Variants in DRICH1 observed in about 807,000 individuals in gnomAD.
The protein encoded by DRICH1 is aspartate rich 1.
A neutral mutation model predicts 39.5 loss-of-function variants in DRICH1; 38 were observed. The ratio of observed to expected loss-of-function variants is 0.96; its 90% CI spans 0.74 to 1.26. DRICH1 has a LOEUF of 1.26. DRICH1 is among the 50% of genes most tolerant of loss of function. The probability of loss-of-function intolerance (pLI) is 0.00; values close to 1 mark genes in which losing one functional copy is unlikely to be tolerated. For missense variants in DRICH1, 279 were observed against 270.4 expected, an observed-to-expected ratio of 1.03 and a Z score of -0.22; for synonymous variants, 84 against 99.5, an observed-to-expected ratio of 0.84 and a Z score of 0.93.
At chr22:23,619,813 CAG>C (rs1927610067) in intron 5 of DRICH1, among the ~76,000 whole-genome samples, 1 of 152,148 alleles carries the variant, frequency 6.6e-6, no homozygotes, top group African/African-American at 2.4e-5. Context: ...CCTCCACACT[CAG>C]GGAGATGTCT....
At chr22:23,613,360 A>ACTCTCTCTAATGACTTATTC in intron 10 of DRICH1, 30 bp from the exon 11 acceptor site, 1 of 1,591,188 alleles carries the variant, frequency 6.3e-7, no homozygotes, top group Non-Finnish European at 8.6e-7. Context: ...AGAATAAGTC[A>ACTCTCTCTAATGACTTATTC]TTAGAGAGAG....
intron 8 of DRICH1, among the ~76,000 whole-genome samples, chr22:23,616,061 A>C (rs570046796): frequency 1.3e-5 from 2 of 152,232 alleles, no homozygotes; most frequent in Non-Finnish European, 2.9e-5. Context: ...TCTGTCCTCC[A>C]TGCCCAGGAA....
the DRICH1 span, among the ~76,000 whole-genome samples, chr22:23,600,587 G>A: frequency 6.8e-6 from 1 of 147,668 alleles, no homozygotes; most frequent in Admixed American, 6.8e-5. Flanking sequence ...CAGCTGGGCT[G>A]GTGGAGGCTT....
intron 8 of DRICH1, 48 bp from the exon 9 acceptor site, chr22:23,614,262 T>G: frequency 1.5e-6 from 2 of 1,375,514 alleles, no homozygotes; most frequent in South Asian, 2.3e-5. Flanking sequence ...TTGGTGACTC[T>G]GAGTCACTCG....
intron 1 of DRICH1, among the ~76,000 whole-genome samples, chr22:23,627,636 C>A (rs1490322498): frequency 1.3e-5 from 2 of 152,178 alleles, no homozygotes; most frequent in African/African-American, 4.8e-5. Context: ...CAGAGGGATT[C>A]CAGCAGGGGG....
downstream of DRICH1, among the ~76,000 whole-genome samples, chr22:23,607,911 G>A (rs923577458): frequency 2.0e-5 from 3 of 152,234 alleles, no homozygotes; most frequent in Non-Finnish European, 4.4e-5. Context: ...GGTCACAGCA[G>A]GGGAGCTTTG....
chr22:23,586,177 A>G, the DRICH1 span, among the ~76,000 whole-genome samples: 1 of 152,334 alleles, frequency 6.6e-6, no homozygotes, highest in South Asian at 2.1e-4. Context: ...TTGAGACCAC[A>G]TTATTAGATG....
chr22:23,620,150 A>T (rs1927632990), intron 5 of DRICH1, among the ~76,000 whole-genome samples: 1 of 152,132 alleles, frequency 6.6e-6, no homozygotes, highest in Non-Finnish European at 1.5e-5. Context: ...TCTGAAAAGA[A>T]CTCGGCTTAT....
Position 23,619,399 on chromosome 22 carries a change from G to A in DRICH1, c.407-6C>T, listed in dbSNP as rs1338828872. On this transcript the variant is annotated splice_region_variant and splice_polypyrimidine_tract_variant and intron_variant, in intron 5 of 11. Coordinates refer to ENST00000317749, the MANE Select transcript of DRICH1 (RefSeq NM_016449.4). ...ATCAAACCGGTAACAGCCACCTGCG[G>A]AGAAATGGAAAAGTTAATCTAAGAC... is the stretch of plus-strand genomic sequence containing the variant. 1.3e-6 allele frequency: 1 copy of A among 780,458 alleles called. No homozygotes were observed. The highest frequency in any genetic ancestry group is 2.4e-6 in the Non-Finnish European group (1 of 417,758). The allele number at this position is 780,458 out of a possible 1,614,324, so 48.3% of individuals were successfully genotyped here.
At chr22:23,623,866 G>A (rs1221056838) in intron 3 of DRICH1, 12 of 822,736 alleles carry the variant, frequency 1.5e-5, no homozygotes, top group South Asian at 5.5e-5. Flanking sequence ...GATCTTCAAT[G>A]AAGGTACCAA....
At chr22:23,606,908 G>A (rs988972926), downstream of DRICH1, 4 of 152,444 alleles carry the variant, frequency 2.6e-5, no homozygotes, top group Admixed American at 2.6e-4. Context: ...GCTTCGTGGG[G>A]TGATGGGGAA....
At chr22:23,580,932 C>T in the DRICH1 span, 2 of 152,362 alleles carry the variant, frequency 1.3e-5, no homozygotes, top group African/African-American at 4.8e-5. Flanking sequence ...ACTGACCTCA[C>T]ATCACACAGA....
chr22:23,613,428 C>T lies in DRICH1; in HGVS notation c.644-98G>A, dbSNP rs139287529. The T allele has an allele frequency of 1.1e-3, 1,184 of 1,043,462 alleles. 13 individuals are homozygous for T. In the African/African-American group the frequency reaches 0.016, roughly 14 times the overall value. The allele number at this position is 1,043,462 out of a possible 1,614,324, so 64.6% of individuals were successfully genotyped here. A position where few individuals can be genotyped will look rare whatever the true frequency, so the allele number is the denominator to read the frequency against. On this transcript the variant is annotated intron_variant, in intron 10 of 11. Transcript: ENST00000317749. ...TGAAGCTGAGTGATGAGCTAGTCTC[C>T]CACTCCATGCTGCTTCATACATGAT...
chr22:23,623,432 GAAA>G (rs1927887364), intron 3 of DRICH1, among the ~76,000 whole-genome samples: 1 of 151,954 alleles, frequency 6.6e-6, no homozygotes, highest in Non-Finnish European at 1.5e-5. Context: ...GAAAAAAATA[GAAA>G]TCACAAATTT....
At chr22:23,619,451 T>C (rs1365484613) in intron 5 of DRICH1, 58 bp from the exon 6 acceptor site, 6 of 772,842 alleles carry the variant, frequency 7.8e-6, no homozygotes, top group Non-Finnish European at 1.4e-5. Flanking sequence ...GTGCCTCAAA[T>C]AACCATGGTA....
At chr22:23,628,203 C>T (rs1304751368) in intron 1 of DRICH1, among the ~76,000 whole-genome samples, 1 of 152,174 alleles carries the variant, frequency 6.6e-6, no homozygotes, top group Non-Finnish European at 1.5e-5. Context: ...AACTTGTGTC[C>T]CTCCCCACCT....
chr22:23,584,113 G>C, the DRICH1 span, among the ~76,000 whole-genome samples: 3 of 152,300 alleles, frequency 2.0e-5, no homozygotes, highest in East Asian at 3.9e-4. Context: ...GGCTGGGCTG[G>C]GCCGGGCCTC....
chr22:23,600,846 A>T, the DRICH1 span, among the ~76,000 whole-genome samples: 1 of 151,424 alleles, frequency 6.6e-6, no homozygotes, highest in Non-Finnish European at 1.5e-5. Flanking sequence ...CTAATTTTTT[A>T]TATTTTTAGT....
intron 2 of DRICH1, 106 bp from the exon 3 acceptor site, chr22:23,625,010 CAG>C (rs1383762365): frequency 7.7e-7 from 1 of 1,296,850 alleles, no homozygotes; most frequent in Admixed American, 1.9e-5. Context: ...ACTTTTGAAA[CAG>C]TGGTTGAGTC....
Sources: allele counts gnomAD v4.1 joint callset (sites outside exome capture counted in the v4.1 genomes callset), GRCh38; gene constraint gnomAD v4.1.1; transcripts MANE v1.5; gene names NCBI Gene and HGNC (gene_info 2026-07-23, HGNC 2026-07-21).